Variants in SH3PXD2B observed in about 807,000 individuals in gnomAD.
The protein encoded by SH3PXD2B is SH3 and PX domain-containing protein 2B.
In SH3PXD2B, 37 loss-of-function variants were observed where a neutral mutation model predicts 73.1. The ratio of observed to expected loss-of-function variants is 0.51; its 90% CI spans 0.39 to 0.67. The LOEUF is 0.67. SH3PXD2B is among the 30% of genes least tolerant of loss of function. The pLI is 0.00. For missense variants in SH3PXD2B, 1,053 were observed against 1,197.8 expected, an observed-to-expected ratio of 0.88 and a Z score of 1.78; for synonymous variants, 457 against 480.5, an observed-to-expected ratio of 0.95 and a Z score of 0.64.
chr5:172,371,848 C>A (rs959424313), intron 6 of SH3PXD2B, among the ~76,000 whole-genome samples: 1 of 152,216 alleles, frequency 6.6e-6, no homozygotes, highest in Non-Finnish European at 1.5e-5. Flanking sequence ...GAAACTCTGC[C>A]AGCCCAAGAG....
chr5:172,380,069 G>GTTTTTT, intron 5 of SH3PXD2B, among the ~76,000 whole-genome samples: 1 of 151,884 alleles, frequency 6.6e-6, no homozygotes, highest in African/African-American at 2.4e-5. Flanking sequence ...TTTTGTTTTT[G>GTTTTTT]TTTTTGAGAC....
intron 6 of SH3PXD2B, among the ~76,000 whole-genome samples, chr5:172,367,815 T>C (rs1159537696): frequency 2.6e-5 from 4 of 152,076 alleles, no homozygotes; most frequent in Non-Finnish European, 4.4e-5. Context: ...GAAATGTCAA[T>C]GTGATGGCTG....
In SH3PXD2B at chr5:172,361,993, G is replaced by A. The variant is rs114660702; in HGVS notation, c.562+742C>T. 8.7e-3 allele frequency among the ~76,000 whole-genome samples: 1,325 copies of A among 152,290 alleles called. 14 individuals carry two copies. The highest frequency in any genetic ancestry group is 0.023 in the African/African-American group (959 of 41,550). On this transcript the variant is annotated intron_variant, in intron 7 of 12. Transcript: ENST00000311601. Reference sequence around the variant, plus strand: ...CACTGCATTTTCCCAGGGAGGATCTGCTTATTTCCTGCTCTTTGCCTTCAA... The same window carrying A: ...CACTGCATTTTCCCAGGGAGGATCTACTTATTTCCTGCTCTTTGCCTTCAA...
In SH3PXD2B at chr5:172,350,252, T is replaced by C. The variant is rs893052911; in HGVS notation, c.1012+111A>G. The C allele has an allele frequency of 3.4e-5, 35 of 1,025,158 alleles. No individual in the cohort carries two copies. The African/African-American group carries it at 5.3e-4, about 16-fold the overall frequency. The allele number at this position is 1,025,158 out of a possible 1,614,324, so 63.5% of individuals were successfully genotyped here. A position where few individuals can be genotyped will look rare whatever the true frequency, so the allele number is the denominator to read the frequency against. ...GGCCTCTGTTTTCTTATCTGGAGGA[T>C]GGGGGAGCAGCTGGGCTGCTGTGAG... On this transcript the variant is annotated intron_variant, in intron 10 of 12. Coordinates refer to ENST00000311601, the MANE Select transcript of SH3PXD2B (RefSeq NM_001017995.3).
At chr5:172,376,903 C>T (rs1452019137) in intron 5 of SH3PXD2B, among the ~76,000 whole-genome samples, 1 of 152,222 alleles carries the variant, frequency 6.6e-6, no homozygotes, top group African/African-American at 2.4e-5. Context: ...GGCTGGAGCC[C>T]ACTCTCCTGA....
intron 4 of SH3PXD2B, among the ~76,000 whole-genome samples, chr5:172,393,489 T>G (rs764786823): frequency 1.8e-4 from 28 of 152,208 alleles, no homozygotes; most frequent in Non-Finnish European, 3.1e-4. Context: ...AATCGTGTCA[T>G]CTGTGAGTCA....
At chr5:172,454,056 A>T (rs963443849) in intron 1 of SH3PXD2B, among the ~76,000 whole-genome samples, 8 of 113,916 alleles carry the variant, frequency 7.0e-5, no homozygotes, top group African/African-American at 2.6e-4. Context: ...GCGAGGCGGG[A>T]GGAAGGGATG....
intron 6 of SH3PXD2B, among the ~76,000 whole-genome samples, chr5:172,367,920 T>C (rs769804594): frequency 2.6e-5 from 4 of 152,170 alleles, no homozygotes; most frequent in Admixed American, 6.5e-5. Context: ...CCTGCTACCA[T>C]TGAACAATCT....
chr5:172,371,743 T>C (rs1466435358), intron 6 of SH3PXD2B, among the ~76,000 whole-genome samples: 2 of 152,192 alleles, frequency 1.3e-5, no homozygotes, highest in Non-Finnish European at 2.9e-5. Flanking sequence ...GACTGGACAT[T>C]TGTGTTTGTC....
chr5:172,396,198 CAAAAAAAAAAA>C (rs571850981), intron 3 of SH3PXD2B, among the ~76,000 whole-genome samples: 1 of 78,408 alleles, frequency 1.3e-5, no homozygotes. Flanking sequence ...ACTAAAAATA[CAAAAAAAAAAA>C]AAAAAAAAAA....
downstream of SH3PXD2B, among the ~76,000 whole-genome samples, chr5:172,331,547 A>G (rs1756556628): frequency 6.6e-6 from 1 of 152,232 alleles, no homozygotes; most frequent in Non-Finnish European, 1.5e-5. Flanking sequence ...AAGGACTTGG[A>G]GAAGCGTGCC....
Position 172,362,887 on chromosome 5 carries a change from A to T in SH3PXD2B, c.428-18T>A. The T allele has an allele frequency of 6.2e-7, 1 of 1,614,026 alleles. No individual in the cohort carries two copies. The highest frequency in any genetic ancestry group is 1.1e-5 in the South Asian group (1 of 91,080). On this transcript the variant is annotated intron_variant, in intron 6 of 12. Transcript: ENST00000311601. Reference sequence around the variant, plus strand: ...GTCACCCCCTGTGGATAGGAAACAGACATGACATCTGGCCACCACTCATGC... The same window carrying T: ...GTCACCCCCTGTGGATAGGAAACAGTCATGACATCTGGCCACCACTCATGC...
intron 12 of SH3PXD2B, among the ~76,000 whole-genome samples, chr5:172,327,103 G>A (rs574005560): frequency 2.0e-5 from 3 of 151,866 alleles, no homozygotes; most frequent in South Asian, 2.1e-4. Flanking sequence ...CAGGTGATCC[G>A]CCCGCCACGG....
intron 1 of SH3PXD2B, among the ~76,000 whole-genome samples, chr5:172,435,915 C>T (rs876924): frequency 0.46 from 70,154 of 151,916 alleles, 16,385 homozygotes; most frequent in African/African-American, 0.53. Flanking sequence ...AAGACAGAAC[C>T]CTGTGGTCCA....
rs1156357552 is a variant in SH3PXD2B at position 172,339,350 on chromosome 5, G to A, written c.1755C>T (p.Ser585=). 3 of 1,614,214 alleles carry A rather than the reference G, an allele frequency of 1.9e-6. No individual in the cohort carries two copies. The highest frequency in any genetic ancestry group is 2.7e-5 in the African/African-American group (2 of 75,056). ...TGTCATTTTTCAGCTGGAACAGTCTGCTTTTGTCAGGTTTGGGCTCTGGCC... is the reference window on the plus strand; with the variant it reads ...TGTCATTTTTCAGCTGGAACAGTCTACTTTTGTCAGGTTTGGGCTCTGGCC... ...SRRPEPKPDK[S]RLFQLKNDMG... Residue 585 remains serine (S), a synonymous_variant, in exon 13 of 13, where the codon AGC becomes AGT. Coordinates refer to ENST00000311601, the MANE Select transcript of SH3PXD2B (RefSeq NM_001017995.3). The surrounding 1 kb of genome is among the most constrained non-coding windows in gnomAD (Gnocchi z 6.1).
intron 6 of SH3PXD2B, among the ~76,000 whole-genome samples, chr5:172,365,061 C>T (rs1283556467): frequency 6.6e-6 from 1 of 152,208 alleles, no homozygotes; most frequent in Non-Finnish European, 1.5e-5. Flanking sequence ...TGGCCACTCC[C>T]CCTCCCTGCC....
chr5:172,409,553 A>G (rs116258851), intron 2 of SH3PXD2B, among the ~76,000 whole-genome samples: 9,343 of 152,066 alleles, frequency 0.061, 429 homozygotes, highest in African/African-American at 0.13. Flanking sequence ...CAACTTTTTT[A>G]GCTTCCACAT....
At chr5:172,401,461 T>C (rs958526817) in intron 3 of SH3PXD2B, among the ~76,000 whole-genome samples, 1 of 152,230 alleles carries the variant, frequency 6.6e-6, no homozygotes, top group African/African-American at 2.4e-5. Flanking sequence ...GGGGCTCCAC[T>C]GTAGTAAATC....
At chr5:172,374,138 T>A (rs1757771682) in intron 5 of SH3PXD2B, among the ~76,000 whole-genome samples, 1 of 152,232 alleles carries the variant, frequency 6.6e-6, no homozygotes, top group African/African-American at 2.4e-5. Context: ...CTGAGCCTGA[T>A]GCCTACCTCA....
Sources: gnomAD v4.1 joint callset for allele counts (sites outside exome capture counted in the v4.1 genomes callset) on GRCh38, gnomAD v4.1.1 for gene constraint, Gnocchi (gnomAD v3.1) non-coding constraint, MANE v1.5 for transcripts, NCBI Gene and HGNC (gene_info 2026-07-23, HGNC 2026-07-21) for gene names.